PKD1: variants seen among roughly 807,000 people sequenced by gnomAD.
The protein encoded by PKD1 is polycystin-1.
In PKD1, 81 loss-of-function variants were observed where a neutral mutation model predicts 361.7. The observed-to-expected ratio is 0.22, with a 90% confidence interval of 0.19 to 0.27. The LOEUF is 0.27. Among genes scored for constraint, PKD1 ranks in the 10% least tolerant of loss-of-function variants. The probability of loss-of-function intolerance (pLI) is 1.00; values close to 1 mark genes in which losing one functional copy is unlikely to be tolerated. For synonymous variants in PKD1, 3,615 were observed against 2,818.3 expected (o/e 1.28, Z -8.95); for missense variants, 6,399 against 6,118.3 (o/e 1.05, Z -1.53).
chr16:2,112,165 C>T (rs2092529303), intron 14 of PKD1, among the ~76,000 whole-genome samples, 175 bp downstream of exon 14: 1 of 152,210 alleles, frequency 6.6e-6, no homozygotes, highest in South Asian at 2.1e-4. Flanking sequence ...CTTCCCTGTC[C>T]ACTCCCCCCA....
In PKD1 at chr16:2,117,058, G is replaced by A. The variant is rs1225144925; in HGVS notation, c.1386-5C>T. The stretch of plus-strand genomic sequence containing the variant: ...CCGATCCACACGTCTAGGCTCCTGG[G>A]GGCGGGTGTGGGATGGCAGGGGGCT... On this transcript the variant is annotated splice_region_variant and splice_polypyrimidine_tract_variant and intron_variant, in intron 6 of 45. Transcript: ENST00000262304. 4.6e-6 allele frequency: 7 copies of A among 1,528,086 alleles called. No homozygotes were observed. Among genetic ancestry groups the A allele is most frequent in the Middle Eastern group, 4.6e-4 (2 of 4,334 alleles). The allele number at this position is 1,528,086 out of a possible 1,614,324, so 94.7% of individuals were successfully genotyped here.
Position 2,092,079 on chromosome 16 carries a change from C to G in PKD1, c.11379G>C (p.Gly3793=). The change falls in exon 40 of 46, where the codon GGG becomes GGC. Residue 3793 remains glycine, a synonymous_variant. Coordinates refer to ENST00000262304, the MANE Select transcript of PKD1 (RefSeq NM_001009944.3). ...GATCCGGCGCTGAATAGGCCCACGT[C>G]CCCGAGCCATTGTGAGGACTCTCCC... is the stretch of plus-strand genomic sequence containing the variant. The part of the protein sequence containing the change: ...VGWESPHNGS[G]TWAYSAPDLL... 6.2e-7 allele frequency: 1 copy of G among 1,612,750 alleles called. No individual in the cohort carries two copies. The highest frequency in any genetic ancestry group is 8.5e-7 in the Non-Finnish European group (1 of 1,179,984).
rs973194701 is a variant in PKD1 at position 2,088,810 on chromosome 16, A to C, written c.*917T>G. 1.4e-6 allele frequency: 1 copy of C among 715,514 alleles called. No individual in the cohort carries two copies. The highest frequency in any genetic ancestry group is 1.9e-5 in the South Asian group (1 of 53,188). 44.3% of individuals were successfully genotyped at this position (715,514 alleles called of 1,614,324 possible). A position where few individuals can be genotyped will look rare whatever the true frequency, so the allele number is the denominator to read the frequency against. On this transcript the variant is annotated 3_prime_UTR_variant, in exon 46 of 46. Coordinates refer to ENST00000262304, the MANE Select transcript of PKD1 (RefSeq NM_001009944.3). ...CCATGCCCACAGAAGTGGTACACAG[A>C]AGCAGGCACAGCCAGCTCCGAGGGC...
In PKD1 at chr16:2,090,692, G is replaced by A. The variant is rs751686906; in HGVS notation, c.12120C>T (p.Tyr4040=). The A allele has an allele frequency of 1.7e-5, 28 of 1,612,332 alleles. No homozygotes were observed. Among genetic ancestry groups the A allele is most frequent in the South Asian group, 1.1e-4 (10 of 91,080 alleles). The change falls in exon 44 of 46, where the codon TAC becomes TAT. Residue 4040 remains tyrosine (Y), a synonymous_variant. Coordinates refer to ENST00000262304, the MANE Select transcript of PKD1 (RefSeq NM_001009944.3). The stretch of plus-strand genomic sequence containing the variant: ...CACCTACCAGGATGGCCAGCTGGGC[G>A]TAGGCTACCCCGAGCACCACCAGGC... The part of the protein sequence containing the change: ...TLGLVVLGVA[Y]AQLAILLVSS...
intron 30 of PKD1, 110 bp downstream of exon 30, chr16:2,099,534 T>C (rs1012497955): frequency 1.3e-5 from 12 of 944,234 alleles, no homozygotes; most frequent in Non-Finnish European, 1.8e-5. Flanking sequence ...GAGCAGCCTT[T>C]GGTGGACGCC....
Position 2,108,707 on chromosome 16 carries a change from C to T in PKD1, c.6460G>A (p.Val2154Ile). 1 of 1,570,250 alleles carries T rather than the reference C, an allele frequency of 6.4e-7. No homozygotes were observed. Among genetic ancestry groups the T allele is most frequent in the South Asian group, 1.2e-5 (1 of 86,080 alleles). Reference protein sequence around the residue: ...LACREPEVDVVLPLQVLMRRS... With the variant: ...LACREPEVDVILPLQVLMRRS... Reference sequence around the variant, plus strand: ...CGCATCAGCACCTGCAGGGGCAGGACCACGTCCACCTCCGGCTCCCGGCAG... The same window carrying T: ...CGCATCAGCACCTGCAGGGGCAGGATCACGTCCACCTCCGGCTCCCGGCAG... Residue 2154 changes from valine (V) to isoleucine (I), a missense_variant, in exon 15 of 46, where the codon GTC (valine) becomes ATC (isoleucine). By Grantham distance (29) the Val-to-Ile change is conservative. Coordinates refer to ENST00000262304, the MANE Select transcript of PKD1 (RefSeq NM_001009944.3).
chr16:2,131,124 C>A (rs2092872135), intron 1 of PKD1, among the ~76,000 whole-genome samples: 1 of 152,176 alleles, frequency 6.6e-6, no homozygotes, highest in Non-Finnish European at 1.5e-5. Context: ...GGAGGTGGCA[C>A]CCCCAAGACA....
At position 2,111,642 on chromosome 16, in the gene PKD1, C is replaced by T. The variant is rs375443604; in HGVS notation, c.3525G>A (p.Pro1175=). 1.5e-4 allele frequency: 230 copies of T among 1,573,660 alleles called. No individual in the cohort carries two copies. Among genetic ancestry groups the T allele is most frequent in the Non-Finnish European group, 1.9e-4 (216 of 1,161,024 alleles). The change falls in exon 15 of 46, where the codon CCG becomes CCA. Residue 1175 remains proline (P), a synonymous_variant. Coordinates refer to ENST00000262304, the MANE Select transcript of PKD1 (RefSeq NM_001009944.3). ...TCGAGGCATAGGTGTGGTTGGCAGC[C>T]GGCTGGCTCTGGGTCAGGACAGGGG... ...DGSPVLTQSQ[P]AANHTYASRG...
chr16:2,132,588 A>AG (rs1446366882), intron 1 of PKD1, among the ~76,000 whole-genome samples: 2 of 145,206 alleles, frequency 1.4e-5, no homozygotes, highest in African/African-American at 5.3e-5. Context: ...AAAAAAAAAA[A>AG]AAAGAAAAAA....
rs1355905739 is a variant in PKD1 at position 2,118,576 on chromosome 16, C to T, written c.529+100G>A. 4 of 887,996 alleles carry T rather than the reference C, an allele frequency of 4.5e-6. No individual in the cohort carries two copies. The East Asian group carries it at 7.9e-5, about 17-fold the overall frequency. The allele number at this position is 887,996 out of a possible 1,614,324, so 55.0% of individuals were successfully genotyped here. On this transcript the variant is annotated intron_variant, in intron 4 of 45. Transcript: ENST00000262304. This position sits in a 1 kb window ranked among gnomAD's most constrained non-coding sequence, Gnocchi z 6.0. ...CATGCTGTTCCCTTGGCCCGGAGGC[C>T]CCCCCCAGAGAGGCCTTCCTGAGCC...
rs756263607 is a variant in PKD1, at chr16:2,118,280, A to C, written c.712T>G (p.Ser238Ala). ...GWCLCGAAQP[S>A]SASFACLSLC... ...GACAGGCAGGCAAAGGAGGCACTGG[A>C]GGGCTGGGCCGCCCCACACAGGCAC... The change falls in exon 5 of 46, where the codon TCC becomes GCC. Residue 238 changes from serine to alanine, a missense_variant. Ser to Ala is a moderately conservative substitution (Grantham distance 99). Transcript: ENST00000262304. The surrounding 1 kb of genome is among the most constrained non-coding windows in gnomAD (Gnocchi z 6.0). 7.8e-6 allele frequency: 12 copies of C among 1,531,768 alleles called. No homozygotes were observed. In the South Asian group the frequency reaches 1.4e-4, roughly 18 times the overall value. The allele number at this position is 1,531,768 out of a possible 1,614,324, so 94.9% of individuals were successfully genotyped here.
At chr16:2,101,703 CG>C (rs1230061592) in intron 26 of PKD1, among the ~76,000 whole-genome samples, 2 of 152,272 alleles carry the variant, frequency 1.3e-5, no homozygotes, top group Non-Finnish European at 2.9e-5. Context: ...GAAACAGCCA[CG>C]GGGAGGGTGC....
In PKD1 at chr16:2,091,141, C is replaced by T; in HGVS notation, c.11746G>A (p.Val3916Met). 1.6e-5 allele frequency: 23 copies of T among 1,478,866 alleles called. No individual in the cohort carries two copies. The highest frequency in any genetic ancestry group is 2.0e-5 in the Non-Finnish European group (22 of 1,122,560). The allele number at this position is 1,478,866 out of a possible 1,614,324, so 91.6% of individuals were successfully genotyped here. Residue 3916 changes from valine (V) to methionine (M), a missense_variant, in exon 43 of 46, where the codon GTG becomes ATG. Coordinates refer to ENST00000262304, the MANE Select transcript of PKD1 (RefSeq NM_001009944.3). ...CLLLFAVHFA[V>M]AEARTWHREG... is the part of the protein sequence containing the mutation. ...CTGTGCCAAGTACGGGCCTCGGCCA[C>T]GGCGAAGTGCACGGCGAACAGCAGC...
intron 1 of PKD1, among the ~76,000 whole-genome samples, chr16:2,134,698 G>A (rs917596558): frequency 2.7e-5 from 4 of 148,104 alleles, no homozygotes; most frequent in Non-Finnish European, 6.0e-5. Context: ...CCTATGCCTC[G>A]GATGGTCAGA....
rs568897373 is a variant in PKD1 at position 2,103,377 on chromosome 16, C to A, written c.8680G>T (p.Ala2894Ser). Residue 2894 changes from alanine to serine, a missense_variant, in exon 23 of 46, where the codon GCC (alanine) becomes TCC (serine). By Grantham distance (99) the Ala-to-Ser change is moderately conservative. Transcript: ENST00000262304. ...TGGGGCTGGACCACAACGGAGTTGG[C>A]GGAGTTGGCGGAGCTGCGGTGGCCC... ...ARGHRSSANS[A>S]NSVVVQPQAS... The A allele has an allele frequency of 2.5e-6, 4 of 1,601,360 alleles. No individual in the cohort carries two copies. Among genetic ancestry groups the A allele is most frequent in the Non-Finnish European group, 2.5e-6 (3 of 1,179,530 alleles).
rs745509165 is a variant in PKD1 at position 2,106,204 on chromosome 16, G to A, written c.7590C>T (p.Gly2530=). Residue 2530 remains glycine, a synonymous_variant, in exon 19 of 46, where the codon GGC becomes GGT. Transcript: ENST00000262304. The surrounding 1 kb of genome is among the most constrained non-coding windows in gnomAD (Gnocchi z 6.5). Reference sequence around the variant, plus strand: ...GCACGGCTCCGTAGCTGGAGAGGCTGCCCTTGTAGACACAGAACTCCTCGC... The same window carrying A: ...GCACGGCTCCGTAGCTGGAGAGGCTACCCTTGTAGACACAGAACTCCTCGC... ...GHCEEFCVYK[G]SLSSYGAVLP... 7 of 1,610,024 alleles carry A rather than the reference G, an allele frequency of 4.3e-6. No individual in the cohort carries two copies. Among genetic ancestry groups the A allele is most frequent in the Admixed American group, 1.7e-5 (1 of 59,970 alleles).
rs544733122 is a variant in PKD1 at position 2,090,817 on chromosome 16, G to A, written c.12004-9C>T. 3.6e-5 allele frequency: 58 copies of A among 1,612,160 alleles called. 2 individuals carry two copies. The highest frequency in any genetic ancestry group is 3.5e-4 in the South Asian group (32 of 91,088). ...CGTAGCTGCTGGGCAGCCTGCGGAC[G>A]AGAAATCTGTCTGCTTGCAGCCCTG... On this transcript the variant is annotated splice_polypyrimidine_tract_variant and intron_variant, in intron 43 of 45. Transcript: ENST00000262304.
chr16:2,111,172 T>C lies in PKD1; in HGVS notation c.3995A>G (p.Asp1332Gly). Residue 1332 changes from aspartate (D) to glycine (G), a missense_variant, in exon 15 of 46, where the codon GAT becomes GGT. Transcript: ENST00000262304. ...AHYLFDWTFGDGSSNTTVRGC... is the reference protein window; with the variant it reads ...AHYLFDWTFGGGSSNTTVRGC... ...CCGCACGGTCGTGTTGGAGGAGCCA[T>C]CCCCGAAGGTCCAGTCGAAGAGGTA... 1.2e-6 allele frequency: 2 copies of C among 1,611,234 alleles called. No homozygotes were observed. Among genetic ancestry groups the C allele is most frequent in the Non-Finnish European group, 1.7e-6 (2 of 1,179,732 alleles).
chr16:2,133,988 A>G (rs1438212313), intron 1 of PKD1, among the ~76,000 whole-genome samples: 1 of 149,092 alleles, frequency 6.7e-6, no homozygotes, highest in African/African-American at 2.6e-5. Flanking sequence ...GGCTGCTCTC[A>G]TGGACACCAT....
Sources: gnomAD v4.1 joint callset for allele counts (sites outside exome capture counted in the v4.1 genomes callset) on GRCh38, gnomAD v4.1.1 for gene constraint, Gnocchi (gnomAD v3.1) non-coding constraint, MANE v1.5 for transcripts, NCBI Gene and HGNC (gene_info 2026-07-23, HGNC 2026-07-21) for gene names.